The following RANBP2 variants were observed in gnomAD, a reference collection of about 807,000 sequenced individuals.
RANBP2 encodes RAN binding protein 2.
RANBP2 carries 57 observed loss-of-function variants against 303.6 expected under a neutral mutation model. The observed-to-expected ratio is 0.19, with a 90% CI of 0.15 to 0.23. The LOEUF is 0.23. Ranked by LOEUF, RANBP2 falls within the 10% of genes least tolerant of loss-of-function variation. RANBP2 has a pLI of 1.00. For synonymous variants in RANBP2, 1,167 were observed against 1,301.5 expected, an observed-to-expected ratio of 0.90 and a Z score of 2.23; for missense variants, 3,138 against 3,780.8, an observed-to-expected ratio of 0.83 and a Z score of 4.46.
At chr2:109,373,705 G>A in the RANBP2 span, among the ~76,000 whole-genome samples, 1,024 of 152,254 alleles carry the variant, frequency 6.7e-3, 10 homozygotes, top group East Asian at 0.049. Context: ...TCCTGATCTC[G>A]GGAGAGCTGC....
chr2:109,614,133 T>C, the RANBP2 span: 2,155 of 1,204,092 alleles, frequency 1.8e-3, 32 homozygotes, highest in African/African-American at 0.03. Flanking sequence ...GAGCTGGGAC[T>C]CCAGGAAGAC....
chr2:109,105,080 CTG>C, the RANBP2 span, among the ~76,000 whole-genome samples: 1 of 152,198 alleles, frequency 6.6e-6, no homozygotes. Context: ...AGTTGTTAAA[CTG>C]TCTCTCTAAA....
At chr2:109,129,937 G>A in the RANBP2 span, 8 of 1,479,018 alleles carry the variant, frequency 5.4e-6, no homozygotes, top group Non-Finnish European at 7.1e-6. Context: ...CAGCCCCGGC[G>A]GCAGCCCGCC....
At chr2:109,432,165 G>A in the RANBP2 span, among the ~76,000 whole-genome samples, 1 of 152,212 alleles carries the variant, frequency 6.6e-6, no homozygotes, top group African/African-American at 2.4e-5. Context: ...CTGGGATGCA[G>A]TTCAGAGAGT....
chr2:109,193,511 C>G, the RANBP2 span, among the ~76,000 whole-genome samples: 1 of 152,142 alleles, frequency 6.6e-6, no homozygotes, highest in Admixed American at 6.5e-5. Context: ...ATACAGTTTG[C>G]GGCCTTTTTA....
At chr2:109,218,662 G>A in the RANBP2 span, among the ~76,000 whole-genome samples, 11 of 152,144 alleles carry the variant, frequency 7.2e-5, no homozygotes, top group South Asian at 2.1e-4. Context: ...AGGCCCTGCC[G>A]GCCAGCAGGA....
At chr2:109,076,688 G>A in the RANBP2 span, among the ~76,000 whole-genome samples, 22 of 150,096 alleles carry the variant, frequency 1.5e-4, 1 homozygote, top group African/African-American at 4.1e-4. Context: ...AACCAAGGAG[G>A]TGAAAAAGAA....
At chr2:109,623,360 A>G in the RANBP2 span, among the ~76,000 whole-genome samples, 3 of 151,984 alleles carry the variant, frequency 2.0e-5, no homozygotes, top group Non-Finnish European at 4.4e-5. Flanking sequence ...CCACTGTCCA[A>G]CTGCTCTCCA....
chr2:108,761,734 T>C (rs1357115929), intron 18 of RANBP2, among the ~76,000 whole-genome samples: 1 of 152,140 alleles, frequency 6.6e-6, no homozygotes, highest in East Asian at 1.9e-4. Context: ...GACCATCAGA[T>C]GGCATCTTGG....
chr2:109,027,667 C>T, the RANBP2 span, among the ~76,000 whole-genome samples: 2 of 148,642 alleles, frequency 1.3e-5, no homozygotes, highest in Non-Finnish European at 3.0e-5. Flanking sequence ...AGCAGTGCTG[C>T]GTAAGCGTCG....
the RANBP2 span, among the ~76,000 whole-genome samples, chr2:109,712,911 G>C: frequency 6.6e-6 from 1 of 152,206 alleles, no homozygotes; most frequent in East Asian, 1.9e-4. Context: ...GCGCCAGAGC[G>C]AGAGTGAGTG....
chr2:109,328,251 A>T, the RANBP2 span, among the ~76,000 whole-genome samples: 1 of 152,188 alleles, frequency 6.6e-6, no homozygotes, highest in Non-Finnish European at 1.5e-5. Context: ...TCAAACCTGG[A>T]TTCAAATAAG....
chr2:109,389,226 C>T, the RANBP2 span, among the ~76,000 whole-genome samples: 3 of 151,730 alleles, frequency 2.0e-5, no homozygotes, highest in South Asian at 6.2e-4. Context: ...GAGGGCCCCT[C>T]CTGGTCCTCA....
At chr2:109,494,743 C>G in the RANBP2 span, among the ~76,000 whole-genome samples, 1 of 152,054 alleles carries the variant, frequency 6.6e-6, no homozygotes, top group Non-Finnish European at 1.5e-5. Context: ...AAGGTTTCCA[C>G]CCCAAAATGC....
chr2:109,191,524 G>T, the RANBP2 span, among the ~76,000 whole-genome samples: 1 of 152,222 alleles, frequency 6.6e-6, no homozygotes, highest in Non-Finnish European at 1.5e-5. Context: ...AAGGGGTAGG[G>T]TGCCCCTCCT....
chr2:109,156,073 TCTC>T, the RANBP2 span, among the ~76,000 whole-genome samples: 2 of 152,228 alleles, frequency 1.3e-5, no homozygotes, highest in Non-Finnish European at 2.9e-5. Context: ...AGCTGGGTCC[TCTC>T]CTCTTTGGCT....
the RANBP2 span, among the ~76,000 whole-genome samples, chr2:108,843,892 T>C: frequency 1.1e-4 from 15 of 137,142 alleles, no homozygotes; most frequent in South Asian, 2.3e-4. Context: ...CTTTCTTTTT[T>C]TTTTTTTTTT....
chr2:108,758,310 A>C (rs2149253558), intron 17 of RANBP2, 103 bp from the exon 18 acceptor site: 1 of 1,529,680 alleles, frequency 6.5e-7, no homozygotes. Context: ...AAAAAAAAAA[A>C]AAATCAGTTA....
the RANBP2 span, among the ~76,000 whole-genome samples, chr2:109,369,059 A>G: frequency 6.6e-6 from 1 of 152,044 alleles, no homozygotes; most frequent in Admixed American, 6.6e-5. Context: ...GCCCTCCCAC[A>G]CTTGGCCGGG....
Sources: gnomAD v4.1 joint callset for allele counts (sites outside exome capture counted in the v4.1 genomes callset) on GRCh38, gnomAD v4.1.1 for gene constraint, MANE v1.5 for transcripts, NCBI Gene and HGNC (gene_info 2026-07-23, HGNC 2026-07-21) for gene names.